SLA: variants seen among roughly 807,000 people sequenced by gnomAD.
SLA encodes the protein Src like adaptor, also known as src-like-adapter.
A neutral mutation model predicts 30.3 loss-of-function variants in SLA; 16 were observed. The observed-to-expected ratio is 0.53, with a 90% CI of 0.36 to 0.80. The LOEUF is 0.80. Ranked by LOEUF, SLA falls within the 30% of genes least tolerant of loss-of-function variation. The probability of loss-of-function intolerance (pLI) is 0.01; values close to 1 mark genes in which losing one functional copy is unlikely to be tolerated. For missense variants in SLA, 310 were observed against 345.2 expected (o/e 0.90, Z 0.81); for synonymous variants, 143 against 137.8 (o/e 1.04, Z -0.26).
intron 2 of SLA, among the ~76,000 whole-genome samples, chr8:133,072,528 A>C (rs1025904116): frequency 3.3e-5 from 5 of 152,182 alleles, no homozygotes; most frequent in Non-Finnish European, 7.3e-5. Context: ...ACAAGAACCA[A>C]ATGGTTTGGT....
At chr8:133,049,353 G>C (rs1017854521) in intron 5 of SLA, 1 of 328,798 alleles carries the variant, frequency 3.0e-6, no homozygotes. Context: ...AATATTTATC[G>C]AGTGCTTACT....
At chr8:133,059,215 G>A (rs1410187448) in intron 3 of SLA, 1 of 446,552 alleles carries the variant, frequency 2.2e-6, no homozygotes, top group Non-Finnish European at 4.5e-6. Flanking sequence ...GGGACACCAG[G>A]CCCCAAATGC....
rs761414034 is a variant in SLA, at chr8:133,050,025, G to A, written c.162-37C>T. The A allele has an allele frequency of 1.6e-5, 22 of 1,353,528 alleles. No homozygotes were observed. The African/African-American group carries it at 2.6e-4, about 16-fold the overall frequency. 83.8% of individuals were successfully genotyped at this position (1,353,528 alleles called of 1,614,324 possible). A position where few individuals can be genotyped will look rare whatever the true frequency, so the allele number is the denominator to read the frequency against. On this transcript the variant is annotated intron_variant, in intron 4 of 8. Transcript: ENST00000338087. ...AGAACAGAGAAGAACACAGAGATAGGTAAATAGCAAAACCAAAGGATGAAT... is the reference window on the plus strand; with the variant it reads ...AGAACAGAGAAGAACACAGAGATAGATAAATAGCAAAACCAAAGGATGAAT...
intron 1 of SLA, among the ~76,000 whole-genome samples, chr8:133,083,962 G>A (rs1846120729): frequency 6.6e-6 from 1 of 152,150 alleles, no homozygotes; most frequent in African/African-American, 2.4e-5. Flanking sequence ...CATGCCTCCT[G>A]TGGCACTGTC....
chr8:133,043,199 A>G (rs897424508), intron 7 of SLA, among the ~76,000 whole-genome samples: 1 of 152,120 alleles, frequency 6.6e-6, no homozygotes, highest in African/African-American at 2.4e-5. Flanking sequence ...GGGGTGAGAT[A>G]TTCCCCATGG....
At chr8:133,102,202 T>C (rs1292524343) in intron 1 of SLA, among the ~76,000 whole-genome samples, 3 of 152,224 alleles carry the variant, frequency 2.0e-5, no homozygotes, top group South Asian at 2.1e-4. Context: ...GTCCAATCTC[T>C]GAACCACCTC....
intron 1 of SLA, among the ~76,000 whole-genome samples, chr8:133,076,465 G>A (rs957944983): frequency 1.3e-5 from 2 of 152,214 alleles, no homozygotes; most frequent in South Asian, 2.1e-4. Flanking sequence ...CGCTCAAGAA[G>A]AGCATGCTGG....
rs372531129 is a variant in SLA at position 133,044,855 on chromosome 8, G to GAGAGC, written c.484+124_484+128dup. 7,482 of 872,246 alleles carry GAGAGC rather than the reference G, an allele frequency of 8.6e-3. 56 individuals carry two copies. Among genetic ancestry groups the GAGAGC allele is most frequent in the Middle Eastern group, 0.027 (89 of 3,272 alleles). The allele number at this position is 872,246 out of a possible 1,614,324, so 54.0% of individuals were successfully genotyped here. A position where few individuals can be genotyped will look rare whatever the true frequency, so the allele number is the denominator to read the frequency against. On this transcript the variant is annotated intron_variant, in intron 7 of 8. Coordinates refer to ENST00000338087, the MANE Select transcript of SLA (RefSeq NM_001045556.3). The stretch of plus-strand genomic sequence containing the variant: ...TGAAATTTACAGTCTGAATTAACGA[G>GAGAGC]AGAGCATATCATGAAGGCAGCATAG...
At position 133,047,899 on chromosome 8, in the gene SLA, C is replaced by T. The variant is rs1336806946; in HGVS notation, c.283G>A (p.Glu95Lys). The T allele has an allele frequency of 2.2e-5, 35 of 1,612,380 alleles. No individual in the cohort carries two copies. The highest frequency in any genetic ancestry group is 2.9e-5 in the Non-Finnish European group (34 of 1,179,168). Residue 95 changes from glutamate to lysine, a missense_variant, in exon 6 of 9, where the codon GAG becomes AAG. Coordinates refer to ENST00000338087, the MANE Select transcript of SLA (RefSeq NM_001045556.3). ...GTGTCTGGCAGCTGCAGCAGCTCCT[C>T]GGCCTTGTCTCTGCCCAGGCCCTCA... is the stretch of plus-strand genomic sequence containing the variant. ...LFEGLGRDKAEELLQLPDTKV... is the reference protein window; with the variant it reads ...LFEGLGRDKAKELLQLPDTKV...
At chr8:133,087,783 A>AG (rs1282308223) in intron 1 of SLA, 2 of 152,200 alleles carry the variant, frequency 1.3e-5, no homozygotes, top group African/African-American at 4.8e-5. Context: ...CAGTGGGGCC[A>AG]GGCAGCAGGA....
At chr8:133,093,839 C>T (rs13279688) in intron 1 of SLA, among the ~76,000 whole-genome samples, 109,045 of 152,164 alleles carry the variant, frequency 0.72, 39,521 homozygotes, top group Non-Finnish European at 0.75. Context: ...CCTAACATAA[C>T]TGTTACATGG....
chr8:133,049,463 T>C, intron 5 of SLA: 2 of 289,712 alleles, frequency 6.9e-6, no homozygotes, highest in Non-Finnish European at 1.4e-5. Context: ...TTATTATCCC[T>C]GTCGTTCTAT....
At chr8:133,071,890 A>G (rs962508785) in intron 2 of SLA, among the ~76,000 whole-genome samples, 2 of 152,174 alleles carry the variant, frequency 1.3e-5, no homozygotes, top group South Asian at 2.1e-4. Flanking sequence ...ATATTCCTCA[A>G]TGAAAAGCCA....
chr8:133,098,578 T>G (rs56967999), intron 1 of SLA, among the ~76,000 whole-genome samples: 1 of 152,160 alleles, frequency 6.6e-6, no homozygotes, highest in Non-Finnish European at 1.5e-5. Flanking sequence ...CTTTGGACCA[T>G]GTACTGAAAA....
At chr8:133,090,837 G>A (rs968232877) in intron 1 of SLA, among the ~76,000 whole-genome samples, 7 of 152,126 alleles carry the variant, frequency 4.6e-5, no homozygotes, top group African/African-American at 1.7e-4. Flanking sequence ...TGGAACAAGA[G>A]CCATGAGCTT....
intron 1 of SLA, among the ~76,000 whole-genome samples, chr8:133,086,733 G>A (rs1335867245): frequency 1.3e-5 from 2 of 152,110 alleles, no homozygotes; most frequent in African/African-American, 4.8e-5. Context: ...TACTGTTACA[G>A]GAAAACTTTC....
At chr8:133,088,021 G>A (rs999189213) in intron 1 of SLA, among the ~76,000 whole-genome samples, 14 of 152,190 alleles carry the variant, frequency 9.2e-5, no homozygotes, top group African/African-American at 2.9e-4. Flanking sequence ...AGAAAGTAGC[G>A]GTTTCAATAA....
chr8:133,094,425 A>G (rs760880930), intron 1 of SLA, among the ~76,000 whole-genome samples: 6 of 151,906 alleles, frequency 3.9e-5, no homozygotes, highest in Non-Finnish European at 8.8e-5. Flanking sequence ...TATTTTTAGT[A>G]GAGATGGGGT....
chr8:133,100,766 A>T (rs538817113), intron 1 of SLA, among the ~76,000 whole-genome samples: 13 of 152,306 alleles, frequency 8.5e-5, no homozygotes, highest in Admixed American at 5.9e-4. Context: ...GCTAGAATAA[A>T]GGCTACTATG....
Sources: gnomAD v4.1 joint callset for allele counts (sites outside exome capture counted in the v4.1 genomes callset) on GRCh38, gnomAD v4.1.1 for gene constraint, MANE v1.5 for transcripts, NCBI Gene and HGNC (gene_info 2026-07-23, HGNC 2026-07-21) for gene names.